The following CDC40 variants were observed in gnomAD, a reference collection of about 807,000 sequenced individuals.
The protein encoded by CDC40 is cell division cycle 40.
Under a neutral mutation model 80.6 loss-of-function variants are expected in CDC40, and 27 were observed. The ratio of observed to expected loss-of-function variants is 0.33; its 90% CI spans 0.25 to 0.46. CDC40 has a LOEUF of 0.46. CDC40 is among the 20% of genes least tolerant of loss of function. CDC40 has a pLI of 1.00. For missense variants in CDC40, 486 were observed against 694.1 expected (o/e 0.70, Z 3.37); for synonymous variants, 221 against 232.6 (o/e 0.95, Z 0.45).
Position 110,193,214 on chromosome 6 carries a change from T to G in CDC40, c.222T>G (p.Pro74=). 1 of 1,609,664 alleles carries G rather than the reference T, an allele frequency of 6.2e-7. No individual in the cohort carries two copies. Among genetic ancestry groups the G allele is most frequent in the Non-Finnish European group, 8.5e-7 (1 of 1,175,980 alleles). The change falls in exon 2 of 15, where the codon CCT becomes CCG. Residue 74 remains proline (P), a synonymous_variant. Transcript: ENST00000307731. ...TGGAGACTGGAGTTCACCTTGACCC[T>G]GCCGTCAAAGAAGTTCAGTATAATC... ...EDLETGVHLD[P]AVKEVQYNPT...
intron 3 of CDC40, among the ~76,000 whole-genome samples, chr6:110,202,373 T>C (rs965985728): frequency 1.3e-5 from 2 of 152,210 alleles, no homozygotes; most frequent in African/African-American, 4.8e-5. Context: ...TACAAATATG[T>C]TATACCCATT....
At chr6:110,211,933 T>A in intron 6 of CDC40, 200 bp from the exon 7 acceptor site, 1 of 518,958 alleles carries the variant, frequency 1.9e-6, no homozygotes, top group Non-Finnish European at 3.4e-6. Context: ...TTCGAAATAC[T>A]ACCTCTAGTT....
At chr6:110,214,603 G>A (rs765392195) in intron 8 of CDC40, among the ~76,000 whole-genome samples, 13 of 152,174 alleles carry the variant, frequency 8.5e-5, no homozygotes, top group Non-Finnish European at 1.6e-4. Flanking sequence ...CTCAGAGGTC[G>A]TTTCCTAGTA....
chr6:110,203,822 T>C (rs1454120059), intron 3 of CDC40, among the ~76,000 whole-genome samples: 1 of 152,156 alleles, frequency 6.6e-6, no homozygotes, highest in Non-Finnish European at 1.5e-5. Context: ...TTGTCCTGTT[T>C]TCTGCCTGCT....
intron 8 of CDC40, among the ~76,000 whole-genome samples, chr6:110,214,984 A>C (rs1233569695): frequency 1.3e-5 from 2 of 152,236 alleles, no homozygotes; most frequent in Non-Finnish European, 2.9e-5. Context: ...AACAATATGA[A>C]AATGAAAACT....
intron 3 of CDC40, among the ~76,000 whole-genome samples, chr6:110,204,023 TA>T (rs1462270517): frequency 1.6e-4 from 25 of 152,364 alleles, no homozygotes; most frequent in African/African-American, 6.0e-4. Flanking sequence ...ATTTTTATTT[TA>T]TTTTTTTTGA....
rs375813540 is a variant in CDC40 at position 110,204,171 on chromosome 6, G to A, written c.406+2484G>A. On this transcript the variant is annotated intron_variant, in intron 3 of 14. Coordinates refer to ENST00000307731, the MANE Select transcript of CDC40 (RefSeq NM_015891.3). ...TGGGACTACAGGCACCCGCCACCACGCCTGGCTAATTTTTGTATTTTTAGT... is the reference window on the plus strand; with the variant it reads ...TGGGACTACAGGCACCCGCCACCACACCTGGCTAATTTTTGTATTTTTAGT... Among the ~76,000 whole-genome samples, 335 of 151,898 alleles carry A rather than the reference G, an allele frequency of 2.2e-3. 2 individuals carry two copies. The highest frequency in any genetic ancestry group is 0.016 in the East Asian group (83 of 5,140).
At chr6:110,193,871 C>T (rs1264521998) in intron 2 of CDC40, among the ~76,000 whole-genome samples, 1 of 152,202 alleles carries the variant, frequency 6.6e-6, no homozygotes, top group Non-Finnish European at 1.5e-5. Flanking sequence ...TAGTTGACAT[C>T]TTCCTCTCAG....
intron 2 of CDC40, among the ~76,000 whole-genome samples, chr6:110,195,420 A>C (rs1014428828): frequency 6.6e-6 from 1 of 152,188 alleles, no homozygotes; most frequent in Admixed American, 6.5e-5. Context: ...AAATACTTTT[A>C]AAAATTCCCT....
chr6:110,184,286 T>C (rs80094226), intron 1 of CDC40, among the ~76,000 whole-genome samples: 11,073 of 152,224 alleles, frequency 0.073, 548 homozygotes, highest in African/African-American at 0.14. Context: ...AAAGTTCTGC[T>C]AATACCCAGT....
chr6:110,219,622 A>G, intron 11 of CDC40, 114 bp from the exon 12 acceptor site: 9 of 1,321,252 alleles, frequency 6.8e-6, no homozygotes, highest in Non-Finnish European at 9.5e-6. Context: ...AGAAAAATTT[A>G]CATTTATAAA....
intron 1 of CDC40, 131 bp from the exon 2 acceptor site, chr6:110,193,051 G>A: frequency 1.9e-6 from 1 of 531,570 alleles, no homozygotes. Flanking sequence ...AATTTTATTA[G>A]AATTATTAAT....
At chr6:110,207,227 A>G (rs1026247347) in intron 3 of CDC40, among the ~76,000 whole-genome samples, 1 of 149,616 alleles carries the variant, frequency 6.7e-6, no homozygotes, top group Non-Finnish European at 1.5e-5. Context: ...AGGCAGGAGA[A>G]TTGCTTGAGC....
intron 5 of CDC40, among the ~76,000 whole-genome samples, chr6:110,209,751 G>T (rs927397156): frequency 6.6e-6 from 1 of 152,208 alleles, no homozygotes; most frequent in East Asian, 1.9e-4. Flanking sequence ...CAGGCATACA[G>T]CAGTGGACAA....
chr6:110,222,584 C>G (rs966798833), intron 12 of CDC40, among the ~76,000 whole-genome samples: 1 of 151,884 alleles, frequency 6.6e-6, no homozygotes, highest in Admixed American at 6.6e-5. Context: ...ACAACAACAA[C>G]AAAAAACAGT....
intron 1 of CDC40, among the ~76,000 whole-genome samples, chr6:110,185,280 T>C (rs1291917683): frequency 6.8e-6 from 1 of 146,248 alleles, no homozygotes; most frequent in Non-Finnish European, 1.5e-5. Context: ...TCTCGCTCTG[T>C]CGCCCAGGCT....
At chr6:110,222,473 C>G in intron 12 of CDC40, among the ~76,000 whole-genome samples, 1 of 152,306 alleles carries the variant, frequency 6.6e-6, no homozygotes, top group East Asian at 1.9e-4. Context: ...AGGAGAATCG[C>G]TTGAACCCGG....
intron 1 of CDC40, among the ~76,000 whole-genome samples, chr6:110,187,548 T>C (rs1352968191): frequency 6.6e-6 from 1 of 152,258 alleles, no homozygotes; most frequent in African/African-American, 2.4e-5. Flanking sequence ...TGTTCTTTTA[T>C]ATCATTCACC....
intron 2 of CDC40, among the ~76,000 whole-genome samples, chr6:110,194,788 A>G (rs1457410846): frequency 2.6e-5 from 4 of 152,210 alleles, no homozygotes; most frequent in Admixed American, 2.0e-4. Context: ...CTGATATGTA[A>G]CATTCTCATG....
Sources: allele counts gnomAD v4.1 joint callset (sites outside exome capture counted in the v4.1 genomes callset), GRCh38; gene constraint gnomAD v4.1.1; transcripts MANE v1.5; gene names NCBI Gene and HGNC (gene_info 2026-07-23, HGNC 2026-07-21).